Variants in NUP210 observed in about 807,000 individuals in gnomAD.
The protein encoded by NUP210 is nucleoporin 210.
Under a neutral mutation model 196.0 loss-of-function variants are expected in NUP210, and 151 were observed. The observed-to-expected ratio is 0.77, with a 90% CI of 0.67 to 0.88. The LOEUF (loss-of-function observed/expected upper bound fraction) is 0.88. Ranked by LOEUF, NUP210 falls within the 40% of genes least tolerant of loss-of-function variation. The pLI is 0.00. For missense variants in NUP210, 2,314 were observed against 2,493.7 expected (o/e 0.93, Z 1.53); for synonymous variants, 1,070 against 1,052.7 (o/e 1.02, Z -0.32).
At chr3:13,331,580 C>T (rs905127048) in intron 29 of NUP210, among the ~76,000 whole-genome samples, 1 of 152,200 alleles carries the variant, frequency 6.6e-6, no homozygotes, top group Non-Finnish European at 1.5e-5. Flanking sequence ...TTTTTAATAG[C>T]CTTCTCCTGC....
chr3:13,344,806 G>T, intron 20 of NUP210: 1 of 403,126 alleles, frequency 2.5e-6, no homozygotes, highest in Non-Finnish European at 3.4e-6. Context: ...GCTGCTGCCT[G>T]CCTCCGGGCC....
chr3:13,379,606 A>G lies in NUP210; in HGVS notation c.933T>C (p.Thr311=). 2 of 1,614,162 alleles carry G rather than the reference A, an allele frequency of 1.2e-6. No individual in the cohort carries two copies. Among genetic ancestry groups the G allele is most frequent in the Non-Finnish European group, 8.5e-7 (1 of 1,180,030 alleles). Residue 311 remains threonine (T), a synonymous_variant, in exon 7 of 40, where the codon ACT becomes ACC. Transcript: ENST00000254508. This position sits in a 1 kb window ranked among gnomAD's most constrained non-coding sequence, Gnocchi z 4.2. The part of the protein sequence containing the change: ...AVLAQDTSMV[T]ALQLGQSSLV... ...GGCTGCTCTGTCCCAGCTGCAGTGC[A>G]GTGACCATCGACGTGTCCTGGGCCA...
chr3:13,349,055 C>T (rs568573014), intron 20 of NUP210, among the ~76,000 whole-genome samples: 1 of 152,362 alleles, frequency 6.6e-6, no homozygotes, highest in East Asian at 1.9e-4. Context: ...AGGCCACAGA[C>T]TTCCCCATGA....
In NUP210 at chr3:13,328,761, C is replaced by G; in HGVS notation, c.4286+10G>C. The G allele has an allele frequency of 6.2e-7, 1 of 1,613,370 alleles. No individual in the cohort carries two copies. On this transcript the variant is annotated intron_variant, in intron 31 of 39. Transcript: ENST00000254508. ...CTTCATAGGAGAAATGACCCTTGCCCACATCCTACCTGTTAGTGGCAAAGT... is the reference window on the plus strand; with the variant it reads ...CTTCATAGGAGAAATGACCCTTGCCGACATCCTACCTGTTAGTGGCAAAGT...
intron 12 of NUP210, among the ~76,000 whole-genome samples, chr3:13,372,984 CCATGAGAAT>C (rs1698782190): frequency 6.6e-6 from 1 of 152,206 alleles, no homozygotes; most frequent in Non-Finnish European, 1.5e-5. Context: ...AGCCCCCTCT[CCATGAGAAT>C]CAGGCCTCAC....
Position 13,365,484 on chromosome 3 carries a change from C to T in NUP210, c.1932+462G>A, listed in dbSNP as rs549445333. Among the ~76,000 whole-genome samples, 41 of 152,336 alleles carry T rather than the reference C, an allele frequency of 2.7e-4. 1 individual carries two copies. The highest frequency in any genetic ancestry group is 1.7e-3 in the South Asian group (8 of 4,828). ...GGGAGCAGGATGGATGCACACTAGG[C>T]CAGGGCAGATCCTCTCTGACCCCAG... On this transcript the variant is annotated intron_variant, in intron 14 of 39. Coordinates refer to ENST00000254508, the MANE Select transcript of NUP210 (RefSeq NM_024923.4).
At chr3:13,331,718 G>A (rs1697002078) in intron 29 of NUP210, among the ~76,000 whole-genome samples, 1 of 152,210 alleles carries the variant, frequency 6.6e-6, no homozygotes, top group South Asian at 2.1e-4. Context: ...TAAGTGTCCT[G>A]TGGCCCGTGG....
chr3:13,362,760 C>T (rs1419614967), intron 14 of NUP210, among the ~76,000 whole-genome samples: 1 of 152,052 alleles, frequency 6.6e-6, no homozygotes, highest in Non-Finnish European at 1.5e-5. Context: ...CAGGCGTGGC[C>T]CCTGTTTCCT....
intron 1 of NUP210, among the ~76,000 whole-genome samples, chr3:13,407,853 A>T (rs1323253858): frequency 6.6e-6 from 1 of 152,228 alleles, no homozygotes; most frequent in Non-Finnish European, 1.5e-5. Context: ...TCTAGGTGCC[A>T]AGGACACAAC....
rs542467914 is a variant in NUP210, at chr3:13,350,271, T to C, written c.2835+1608A>G. Among the ~76,000 whole-genome samples, 41 of 152,014 alleles carry C rather than the reference T, an allele frequency of 2.7e-4. No individual in the cohort carries two copies. Among genetic ancestry groups the C allele is most frequent in the African/African-American group, 7.2e-4 (30 of 41,402 alleles). The stretch of plus-strand genomic sequence containing the variant: ...CACAGCCTGTGTGTTTGTGTGTGTG[T>C]GCGCGTGTGTTTTTGTGTCTTCAGC... On this transcript the variant is annotated intron_variant, in intron 20 of 39. Coordinates refer to ENST00000254508, the MANE Select transcript of NUP210 (RefSeq NM_024923.4). The surrounding 1 kb of genome is among the most constrained non-coding windows in gnomAD (Gnocchi z 4.1).
intron 12 of NUP210, among the ~76,000 whole-genome samples, chr3:13,373,199 A>G (rs1698789465): frequency 6.6e-6 from 1 of 152,208 alleles, no homozygotes; most frequent in Non-Finnish European, 1.5e-5. Context: ...TGGGGCTGGC[A>G]GAGGCTCAGC....
intron 1 of NUP210, among the ~76,000 whole-genome samples, chr3:13,409,190 C>A (rs1033108003): frequency 6.6e-6 from 1 of 152,238 alleles, no homozygotes; most frequent in Non-Finnish European, 1.5e-5. Flanking sequence ...AGTAACAGCA[C>A]TCAATTTTTC....
chr3:13,409,518 A>G (rs1329692681), intron 1 of NUP210, among the ~76,000 whole-genome samples: 2 of 152,188 alleles, frequency 1.3e-5, no homozygotes, highest in Non-Finnish European at 2.9e-5. Context: ...TTATGTGTCA[A>G]TCACAGAGTG....
chr3:13,373,727 A>G lies in NUP210; in HGVS notation c.1578T>C (p.Gly526=). The change falls in exon 12 of 40, where the codon GGT becomes GGC. Residue 526 remains glycine (G), a synonymous_variant. Transcript: ENST00000254508. ...GGCCCTGAGATCTCACCTTCATCTC[A>G]CCGAAATGGAGTGGGTTCTGCACAT... ...AHDVQNPLHF[G]EMKVYVIEPH... is the part of the protein sequence containing the mutation. The G allele has an allele frequency of 1.9e-6, 3 of 1,614,072 alleles. No homozygotes were observed. The highest frequency in any genetic ancestry group is 2.5e-6 in the Non-Finnish European group (3 of 1,179,982).
chr3:13,352,811 G>A (rs974278022), intron 18 of NUP210, among the ~76,000 whole-genome samples: 1 of 152,116 alleles, frequency 6.6e-6, no homozygotes, highest in African/African-American at 2.4e-5. Flanking sequence ...GTGAGTCAAT[G>A]ACAGGAAGGT....
intron 36 of NUP210, among the ~76,000 whole-genome samples, chr3:13,320,211 C>T (rs1051299744): frequency 7.9e-5 from 12 of 152,278 alleles, no homozygotes; most frequent in South Asian, 2.1e-4. Context: ...TGCTCATGGA[C>T]GGCGTGTACT....
intron 6 of NUP210, among the ~76,000 whole-genome samples, chr3:13,381,699 C>T (rs755498052): frequency 4.6e-5 from 7 of 152,154 alleles, no homozygotes; most frequent in Admixed American, 1.3e-4. Flanking sequence ...AACAGAAAGG[C>T]GCTCCTGAGG....
chr3:13,329,795 T>A (rs1696921657), intron 30 of NUP210, among the ~76,000 whole-genome samples: 1 of 152,168 alleles, frequency 6.6e-6, no homozygotes, highest in Admixed American at 6.5e-5. Flanking sequence ...GACCCAGGGA[T>A]GCTGATGGAG....
rs780061259 is a variant in NUP210 at position 13,378,978 on chromosome 3, T to C, written c.979A>G (p.Ile327Val). Reference protein sequence around the residue: ...QSSLVLGHRSIRMQGASRLPN... With the variant: ...QSSLVLGHRSVRMQGASRLPN... ...AACCTAGAAGCACCTTGCATGCGAATACCTGAATTTTGAATTAAGGGGCAA... is the reference window on the plus strand; with the variant it reads ...AACCTAGAAGCACCTTGCATGCGAACACCTGAATTTTGAATTAAGGGGCAA... The change falls in exon 8 of 40, where the codon ATT (isoleucine) becomes GTT (valine). Residue 327 changes from isoleucine (I) to valine (V), a missense_variant and splice_region_variant. By Grantham distance (29) the Ile-to-Val change is conservative. Transcript: ENST00000254508. 1.9e-6 allele frequency: 3 copies of C among 1,613,876 alleles called. No individual in the cohort carries two copies. Among genetic ancestry groups the C allele is most frequent in the Non-Finnish European group, 2.5e-6 (3 of 1,179,772 alleles).
Sources: gnomAD v4.1 joint callset for allele counts (sites outside exome capture counted in the v4.1 genomes callset) on GRCh38, gnomAD v4.1.1 for gene constraint, Gnocchi (gnomAD v3.1) non-coding constraint, MANE v1.5 for transcripts, NCBI Gene and HGNC (gene_info 2026-07-23, HGNC 2026-07-21) for gene names.